The following MARCHF10 variants were observed in gnomAD, a reference collection of about 807,000 sequenced individuals.
The protein encoded by MARCHF10 is membrane associated ring-CH-type finger 10.
MARCHF10 carries 64 observed loss-of-function variants against 76.2 expected under a neutral mutation model. The observed-to-expected ratio is 0.84, with a 90% confidence interval of 0.69 to 1.03. The LOEUF is 1.03. Ranked by LOEUF, MARCHF10 falls within the 50% of genes least tolerant of loss-of-function variation. The probability of loss-of-function intolerance (pLI) is 0.00; values close to 1 mark genes in which losing one functional copy is unlikely to be tolerated. For synonymous variants in MARCHF10, 340 were observed against 357.5 expected (o/e 0.95, Z 0.55); for missense variants, 875 against 958.0 (o/e 0.91, Z 1.14).
At chr17:62,755,693 G>A (rs2092020107) in intron 4 of MARCHF10, among the ~76,000 whole-genome samples, 2 of 152,224 alleles carry the variant, frequency 1.3e-5, no homozygotes, top group South Asian at 4.1e-4. Flanking sequence ...TCTTTCTGGA[G>A]ATAAAGCCTT....
At chr17:62,774,084 C>T (rs563952056) in intron 3 of MARCHF10, among the ~76,000 whole-genome samples, 5 of 152,258 alleles carry the variant, frequency 3.3e-5, no homozygotes, top group East Asian at 3.9e-4. Context: ...AATCCACGGG[C>T]GAGAGGTTCC....
At chr17:62,754,272 C>T (rs1018471742) in intron 4 of MARCHF10, among the ~76,000 whole-genome samples, 4 of 152,168 alleles carry the variant, frequency 2.6e-5, no homozygotes, top group African/African-American at 9.7e-5. Context: ...AGGGTTTCAC[C>T]ATGTTGGCCA....
rs2089983004 is a variant in MARCHF10 at position 62,712,495 on chromosome 17, CAG to C, written c.2215-1153_2215-1152del. Among the ~76,000 whole-genome samples, 1 of 152,204 alleles carries C rather than the reference CAG, an allele frequency of 6.6e-6. No homozygotes were observed. Among genetic ancestry groups the C allele is most frequent in the African/African-American group, 2.4e-5 (1 of 41,466 alleles). On this transcript the variant is annotated intron_variant, in intron 8 of 10. Transcript: ENST00000311269. This position sits in a 1 kb window ranked among gnomAD's most constrained non-coding sequence, Gnocchi z 4.2. ...GACCAAGCAGCTGCCAGAAAAGGCA[CAG>C]AAGTTGAGCAAGGATTGATATGCTC...
chr17:62,711,289 T>C lies in MARCHF10; in HGVS notation c.2270A>G (p.Tyr757Cys), dbSNP rs1372982272. 6.2e-7 allele frequency: 1 copy of C among 1,614,076 alleles called. No individual in the cohort carries two copies. Among genetic ancestry groups the C allele is most frequent in the East Asian group, 2.2e-5 (1 of 44,882 alleles). ...CATGAGTTCTGCAAACCTCTGCTCA[T>C]AGAGGTGAAGCAGCAGCACCAGGTA... is the stretch of plus-strand genomic sequence containing the variant. The part of the protein sequence containing the change: ...GLYLVLLLHL[Y>C]EQRFAELMRL... The change falls in exon 9 of 11, where the codon TAT (tyrosine) becomes TGT (cysteine). Residue 757 changes from tyrosine to cysteine, a missense_variant. Tyr to Cys is a radical substitution (Grantham distance 194). Transcript: ENST00000311269. The surrounding 1 kb of genome is among the most constrained non-coding windows in gnomAD (Gnocchi z 4.4).
intron 3 of MARCHF10, among the ~76,000 whole-genome samples, chr17:62,767,125 T>C (rs146471854): frequency 3.9e-5 from 6 of 152,186 alleles, no homozygotes; most frequent in Non-Finnish European, 7.4e-5. Context: ...GTGGGCCAGA[T>C]TGTGGGGAGC....
chr17:62,768,719 C>T (rs1410921959), intron 3 of MARCHF10, among the ~76,000 whole-genome samples: 1 of 152,144 alleles, frequency 6.6e-6, no homozygotes, highest in Non-Finnish European at 1.5e-5. Context: ...TGAACATTTT[C>T]AAAATGACCA....
chr17:62,794,365 T>C (rs1433201076), intron 2 of MARCHF10, among the ~76,000 whole-genome samples: 2 of 152,192 alleles, frequency 1.3e-5, no homozygotes, highest in Admixed American at 1.3e-4. Flanking sequence ...CATTTCCTGG[T>C]TTACTTCTAT....
intron 6 of MARCHF10, among the ~76,000 whole-genome samples, chr17:62,734,039 C>T (rs1198657057): frequency 6.6e-6 from 1 of 152,010 alleles, no homozygotes; most frequent in Non-Finnish European, 1.5e-5. Flanking sequence ...CAAAAATTAG[C>T]TGGGCATGGT....
intron 4 of MARCHF10, among the ~76,000 whole-genome samples, chr17:62,759,107 C>CA (rs1281350986): frequency 6.6e-6 from 1 of 152,218 alleles, no homozygotes; most frequent in Admixed American, 6.5e-5. Context: ...TCAGAGAGGA[C>CA]AAACCCAGAA....
intron 1 of MARCHF10, among the ~76,000 whole-genome samples, chr17:62,807,489 G>C (rs751057585): frequency 1.3e-5 from 2 of 152,176 alleles, no homozygotes; most frequent in Non-Finnish European, 2.9e-5. Flanking sequence ...GAAACTCAAC[G>C]TGTAATTGGG....
intron 8 of MARCHF10, among the ~76,000 whole-genome samples, chr17:62,718,144 AC>A (rs1361238936): frequency 6.6e-6 from 1 of 152,116 alleles, no homozygotes; most frequent in Non-Finnish European, 1.5e-5. Context: ...CTACATCCAG[AC>A]CTGTGAGGTG....
intron 2 of MARCHF10, among the ~76,000 whole-genome samples, chr17:62,792,699 TC>T: frequency 1.1e-5 from 1 of 88,842 alleles, no homozygotes; most frequent in East Asian, 3.7e-4. Flanking sequence ...CACCATCACC[TC>T]CATCACTACA....
intron 3 of MARCHF10, among the ~76,000 whole-genome samples, chr17:62,765,912 C>T (rs1405085187): frequency 6.6e-6 from 1 of 152,080 alleles, no homozygotes; most frequent in African/African-American, 2.4e-5. Flanking sequence ...ATTTTAAAAA[C>T]CGGAATGCAG....
chr17:62,730,908 A>AACAACAACG (rs2090998627), intron 6 of MARCHF10, among the ~76,000 whole-genome samples: 1 of 151,108 alleles, frequency 6.6e-6, no homozygotes, highest in Non-Finnish European at 1.5e-5. Flanking sequence ...CAACAACAAC[A>AACAACAACG]ACAACAACGA....
chr17:62,751,277 C>T (rs2091890251), intron 4 of MARCHF10, among the ~76,000 whole-genome samples: 1 of 152,124 alleles, frequency 6.6e-6, no homozygotes. Context: ...GGCTTACCTG[C>T]CCGGAACCTG....
intron 4 of MARCHF10, among the ~76,000 whole-genome samples, chr17:62,745,784 C>T (rs1417587181): frequency 6.6e-6 from 1 of 152,162 alleles, no homozygotes; most frequent in Admixed American, 6.5e-5. Flanking sequence ...TTTGAGTTTC[C>T]TCTTCACATG....
At chr17:62,797,107 G>A (rs765300191) in intron 2 of MARCHF10, among the ~76,000 whole-genome samples, 7 of 152,234 alleles carry the variant, frequency 4.6e-5, no homozygotes, top group East Asian at 1.9e-4. Flanking sequence ...TACTAGAGTG[G>A]TGGAAATATT....
chr17:62,733,463 C>T (rs1019383532), intron 6 of MARCHF10, among the ~76,000 whole-genome samples: 2 of 151,540 alleles, frequency 1.3e-5, no homozygotes, highest in African/African-American at 2.4e-5. Context: ...CCAATCAATA[C>T]GAATGTTGTC....
chr17:62,765,056 C>T (rs948657029), intron 3 of MARCHF10, among the ~76,000 whole-genome samples: 6 of 152,060 alleles, frequency 3.9e-5, no homozygotes, highest in Non-Finnish European at 5.9e-5. Context: ...CCTGAACATG[C>T]TTTTTGGAGG....
Sources: gnomAD v4.1 joint callset for allele counts (sites outside exome capture counted in the v4.1 genomes callset) on GRCh38, gnomAD v4.1.1 for gene constraint, Gnocchi (gnomAD v3.1) non-coding constraint, MANE v1.5 for transcripts, NCBI Gene and HGNC (gene_info 2026-07-23, HGNC 2026-07-21) for gene names.